The following DNAJC13 variants were observed in gnomAD, a reference collection of about 807,000 sequenced individuals.
DNAJC13 encodes dnaJ homolog subfamily C member 13.
In DNAJC13, 75 loss-of-function variants were observed where a neutral mutation model predicts 290.5. The observed-to-expected ratio is 0.26, with a 90% CI of 0.21 to 0.31. DNAJC13 has a LOEUF of 0.31. Among genes scored for constraint, DNAJC13 ranks in the 10% least tolerant of loss-of-function variants. The pLI is 1.00. For missense variants in DNAJC13, 2,260 were observed against 2,674.5 expected, an observed-to-expected ratio of 0.85 and a Z score of 3.42; for synonymous variants, 862 against 892.0, an observed-to-expected ratio of 0.97 and a Z score of 0.60.
In DNAJC13 at chr3:132,507,348, C is replaced by CTGGAGG. The variant is rs1325708072; in HGVS notation, c.5112_5115+2dup. 2 of 1,562,652 alleles carry CTGGAGG rather than the reference C, an allele frequency of 1.3e-6. No homozygotes were observed. The highest frequency in any genetic ancestry group is 1.8e-6 in the Non-Finnish European group (2 of 1,134,098). ...GTATAATGAAGTTCCTACTTTCCAA[C>CTGGAGG]TGGAGGTAAGCTCTCTGCTTTTAAT... On this transcript the variant is annotated inframe_insertion, in exon 43 of 56. Transcript: ENST00000260818.
chr3:132,528,243 C>G lies in DNAJC13; in HGVS notation c.6436C>G (p.Leu2146Val), dbSNP rs139767806. Residue 2146 changes from leucine (L) to valine (V), a missense_variant, in exon 54 of 56, where the codon CTT becomes GTT. Leu to Val is a conservative substitution (Grantham distance 32). This residue lies in a region of DNAJC13 where 1,494 missense variants were observed against 1,693.7 expected (regional missense o/e 0.88). Coordinates refer to ENST00000260818, the MANE Select transcript of DNAJC13 (RefSeq NM_015268.4). ...YLLKLLEGIG[L>V]ENLDSPAATK... Reference sequence around the variant, plus strand: ...CTTAAAATTACTCGAAGGCATTGGCCTTGAAAACCTGGACAGCCCAGCAGC... The same window carrying G: ...CTTAAAATTACTCGAAGGCATTGGCGTTGAAAACCTGGACAGCCCAGCAGC... The G allele has an allele frequency of 6.8e-6, 11 of 1,613,988 alleles. No homozygotes were observed. In the African/African-American group the frequency reaches 1.5e-4, roughly 22 times the overall value.
chr3:132,527,119 T>C (rs1936282533), intron 53 of DNAJC13, among the ~76,000 whole-genome samples: 1 of 152,254 alleles, frequency 6.6e-6, no homozygotes, highest in Non-Finnish European at 1.5e-5. Context: ...AATAAGTATT[T>C]GTAATGGTAG....
intron 25 of DNAJC13, among the ~76,000 whole-genome samples, chr3:132,479,949 C>T (rs1018630348): frequency 6.7e-6 from 1 of 148,518 alleles, no homozygotes; most frequent in African/African-American, 2.4e-5. Flanking sequence ...ATTATAGTCT[C>T]TTAACTTCTA....
chr3:132,529,786 C>CAAAAA (rs11402210), intron 54 of DNAJC13, among the ~76,000 whole-genome samples: 1 of 92,862 alleles, frequency 1.1e-5, no homozygotes. Flanking sequence ...GACTCTGTCT[C>CAAAAA]AAAAAAAAAA....
chr3:132,468,649 A>T (rs531372696), intron 20 of DNAJC13, among the ~76,000 whole-genome samples: 10 of 152,176 alleles, frequency 6.6e-5, no homozygotes, highest in Admixed American at 3.3e-4. Context: ...CATAAATCGG[A>T]ATAACAATAC....
intron 1 of DNAJC13, among the ~76,000 whole-genome samples, chr3:132,431,395 T>A (rs1346857987): frequency 6.6e-6 from 1 of 152,000 alleles, no homozygotes; most frequent in Non-Finnish European, 1.5e-5. Context: ...TTAAGTAGAA[T>A]GAGGAGAGGG....
At position 132,481,400 on chromosome 3, in the gene DNAJC13, CAA is replaced by C. The variant is rs201092514; in HGVS notation, c.2875-824_2875-823del. The stretch of plus-strand genomic sequence containing the variant: ...CTCAGGAGTTCAAGACCAGCCTAAG[CAA>C]ATTGGCAAAACCTGTCTTGACAAAA... On this transcript the variant is annotated intron_variant, in intron 26 of 55. Coordinates refer to ENST00000260818, the MANE Select transcript of DNAJC13 (RefSeq NM_015268.4). Among the ~76,000 whole-genome samples the C allele has an allele frequency of 6.0e-3, 916 of 152,142 alleles. 9 individuals carry two copies. Among genetic ancestry groups the C allele is most frequent in the East Asian group, 0.029 (151 of 5,160 alleles).
rs186919794 is a variant in DNAJC13, at chr3:132,524,753, C to T, written c.6061-857C>T. On this transcript the variant is annotated intron_variant, in intron 51 of 55. Coordinates refer to ENST00000260818, the MANE Select transcript of DNAJC13 (RefSeq NM_015268.4). Reference sequence around the variant, plus strand: ...AGGGAAAGCACATAGCAGTTTCCTCCTATATCACCTTTCTTTTTGGACACA... The same window carrying T: ...AGGGAAAGCACATAGCAGTTTCCTCTTATATCACCTTTCTTTTTGGACACA... 8.8e-4 allele frequency among the ~76,000 whole-genome samples: 134 copies of T among 152,296 alleles called. 1 individual carries two copies. The highest frequency in any genetic ancestry group is 2.1e-3 in the Admixed American group (32 of 15,308).
intron 41 of DNAJC13, among the ~76,000 whole-genome samples, chr3:132,504,749 T>G (rs909255056): frequency 1.3e-5 from 2 of 152,148 alleles, no homozygotes; most frequent in Non-Finnish European, 2.9e-5. Flanking sequence ...AGCTCAACAA[T>G]AGGAAAGCAC....
chr3:132,460,175 A>C lies in DNAJC13; in HGVS notation c.1450-75A>C. The C allele has an allele frequency of 5.3e-6, 5 of 951,248 alleles. No homozygotes were observed. In the Admixed American group the frequency reaches 7.0e-5, roughly 13 times the overall value. The allele number at this position is 951,248 out of a possible 1,614,324, so 58.9% of individuals were successfully genotyped here. A position where few individuals can be genotyped will look rare whatever the true frequency, so the allele number is the denominator to read the frequency against. ...TTTCAATGTGTAATGAATACTGTTT[A>C]TAAATGACTTTTGCGTGATGCTAGC... On this transcript the variant is annotated intron_variant, in intron 13 of 55. Transcript: ENST00000260818.
intron 1 of DNAJC13, among the ~76,000 whole-genome samples, chr3:132,433,009 A>G (rs1264049240): frequency 2.0e-5 from 3 of 152,254 alleles, no homozygotes; most frequent in Non-Finnish European, 4.4e-5. Flanking sequence ...AATACCATAT[A>G]GCCTTAAAAA....
intron 22 of DNAJC13, 136 bp downstream of exon 22, chr3:132,475,221 C>T: frequency 1.7e-6 from 1 of 574,666 alleles, no homozygotes; most frequent in Non-Finnish European, 2.6e-6. Flanking sequence ...GTAGGAAATA[C>T]TGGAAAACTT....
At chr3:132,427,133 A>ATTTTT (rs35154589) in intron 1 of DNAJC13, among the ~76,000 whole-genome samples, 1 of 122,180 alleles carries the variant, frequency 8.2e-6, no homozygotes, top group Non-Finnish European at 1.7e-5. Flanking sequence ...ATATATATAT[A>ATTTTT]TTTTTTTTTT....
intron 8 of DNAJC13, 145 bp from the exon 9 acceptor site, chr3:132,453,921 G>A: frequency 1.3e-6 from 1 of 789,886 alleles, no homozygotes; most frequent in Non-Finnish European, 2.0e-6. Flanking sequence ...GAAAATTTGA[G>A]ATTTTAAAGT....
chr3:132,442,316 G>A (rs1280548357), intron 2 of DNAJC13, among the ~76,000 whole-genome samples: 2 of 151,926 alleles, frequency 1.3e-5, no homozygotes, highest in African/African-American at 4.8e-5. Context: ...GTTTAAAAGA[G>A]GAAAGCAGTA....
chr3:132,479,267 T>C lies in DNAJC13; in HGVS notation c.2750T>C (p.Leu917Pro). Residue 917 changes from leucine (L) to proline (P), a missense_variant, in exon 25 of 56, where the codon CTT (leucine) becomes CCT (proline). Coordinates refer to ENST00000260818, the MANE Select transcript of DNAJC13 (RefSeq NM_015268.4). ...GAACGAGATAGGTTGATTCTCTTCC[T>C]TAACAAGTTGATCCTTAATAAGGTA... ...KLERDRLILF[L>P]NKLILNKKNV... The C allele has an allele frequency of 6.2e-7, 1 of 1,607,894 alleles. No individual in the cohort carries two copies.
chr3:132,479,576 T>C (rs1213670914), intron 25 of DNAJC13, among the ~76,000 whole-genome samples: 3 of 152,192 alleles, frequency 2.0e-5, no homozygotes, highest in Admixed American at 6.5e-5. Flanking sequence ...TAATAAAAAT[T>C]AGCTTATTTT....
At chr3:132,480,990 G>A (rs926434827) in intron 26 of DNAJC13, among the ~76,000 whole-genome samples, 4 of 152,174 alleles carry the variant, frequency 2.6e-5, no homozygotes, top group Non-Finnish European at 5.9e-5. Flanking sequence ...AGTATATGAT[G>A]TATTCTGTTA....
rs546522857 is a variant in DNAJC13, at chr3:132,487,264, A to T, written c.3268-1034A>T. ...GTAAATTAATTAATTAATTTTATTTATTTATTTTTTGAGATGGAGTTTTAC... is the reference window on the plus strand; with the variant it reads ...GTAAATTAATTAATTAATTTTATTTTTTTATTTTTTGAGATGGAGTTTTAC... On this transcript the variant is annotated intron_variant, in intron 29 of 55. Coordinates refer to ENST00000260818, the MANE Select transcript of DNAJC13 (RefSeq NM_015268.4). Among the ~76,000 whole-genome samples, 83 of 151,886 alleles carry T rather than the reference A, an allele frequency of 5.5e-4. 1 individual carries two copies. The highest frequency in any genetic ancestry group is 5.8e-4 in the East Asian group (3 of 5,176).
Sources: gnomAD v4.1 joint callset for allele counts (sites outside exome capture counted in the v4.1 genomes callset) on GRCh38, gnomAD v4.1.1 for gene constraint, gnomAD v4.1.1 regional missense constraint, MANE v1.5 for transcripts, NCBI Gene and HGNC (gene_info 2026-07-23, HGNC 2026-07-21) for gene names.